The following SAMMSON variants were observed in gnomAD, a reference collection of about 807,000 sequenced individuals.
SAMMSON encodes the protein long intergenic non-protein coding RNA 1212.
At chr3:70,326,196 T>A (rs1009143358) in intron 7 of SAMMSON, among the ~76,000 whole-genome samples, 1 of 152,090 alleles carries the variant, frequency 6.6e-6, no homozygotes, top group Non-Finnish European at 1.5e-5. Context: ...TCTTTCTGTC[T>A]TCCTTATTTA....
intron 2 of SAMMSON, among the ~76,000 whole-genome samples, chr3:70,427,012 T>A (rs1701375457): frequency 6.6e-6 from 1 of 152,228 alleles, no homozygotes; most frequent in South Asian, 2.1e-4. Flanking sequence ...ACAATAAAGA[T>A]ATTGATAGTT....
intron 4 of SAMMSON, among the ~76,000 whole-genome samples, chr3:70,231,371 C>T (rs1186039807): frequency 6.6e-6 from 1 of 152,332 alleles, no homozygotes; most frequent in African/African-American, 2.4e-5. Context: ...AAGCTGTCAA[C>T]GCAAACTTGC....
At chr3:70,250,971 T>C (rs1269084043) in intron 6 of SAMMSON, among the ~76,000 whole-genome samples, 1 of 152,166 alleles carries the variant, frequency 6.6e-6, no homozygotes, top group Non-Finnish European at 1.5e-5. Context: ...AGTAATGACA[T>C]CCCAATGTGA....
At chr3:70,178,670 A>C (rs746741967) in intron 4 of SAMMSON, among the ~76,000 whole-genome samples, 8 of 152,190 alleles carry the variant, frequency 5.3e-5, no homozygotes, top group Non-Finnish European at 1.2e-4. Flanking sequence ...AAATGATTAG[A>C]TGTCTCACTA....
chr3:70,090,671 A>G lies in SAMMSON; in HGVS notation n.507+19106A>G, dbSNP rs1230840016. ...AGAACACCACATAATTGCAGAAAAG[A>G]TAATAGTCACATACCCTAGGGCCTA... On this transcript the variant is annotated intron_variant and non_coding_transcript_variant, in intron 4 of 9. Transcript: ENST00000642114. 2.0e-5 allele frequency among the ~76,000 whole-genome samples: 3 copies of G among 152,110 alleles called. No individual in the cohort carries two copies. In the East Asian group the frequency reaches 5.8e-4, roughly 29 times the overall value.
chr3:70,091,450 C>T (rs1018816667), intron 4 of SAMMSON, among the ~76,000 whole-genome samples: 2 of 152,186 alleles, frequency 1.3e-5, no homozygotes, highest in Non-Finnish European at 2.9e-5. Flanking sequence ...GCACATCTGA[C>T]TGCTGCAGCC....
At chr3:70,033,841 G>C (rs1411977034) in intron 3 of SAMMSON, among the ~76,000 whole-genome samples, 2 of 152,252 alleles carry the variant, frequency 1.3e-5, no homozygotes, top group East Asian at 1.9e-4. Context: ...TTGGGAGATT[G>C]GATGAATGAC....
intron 4 of SAMMSON, among the ~76,000 whole-genome samples, chr3:70,202,768 A>G (rs1257782919): frequency 6.6e-6 from 1 of 152,132 alleles, no homozygotes; most frequent in Non-Finnish European, 1.5e-5. Flanking sequence ...GAGCAAAGTG[A>G]TACCCTAATG....
At chr3:69,999,603 C>A (rs915675392), upstream of SAMMSON, 1 of 152,278 alleles carries the variant, frequency 6.6e-6, no homozygotes, top group Non-Finnish European at 1.5e-5. Context: ...TGGCTCGGCT[C>A]TACCCCCATG....
chr3:70,228,891 C>T lies in SAMMSON; in HGVS notation n.508-20216C>T, dbSNP rs540619424. Among the ~76,000 whole-genome samples the T allele has an allele frequency of 4.6e-5, 7 of 152,108 alleles. No homozygotes were observed. The South Asian group carries it at 1.2e-3, about 27-fold the overall frequency. The stretch of plus-strand genomic sequence containing the variant: ...CTATTATGTGGCAGACTATGTAGTA[C>T]GTGAGGAGAAACTCAGCTAAAAGGT... On this transcript the variant is annotated intron_variant and non_coding_transcript_variant, in intron 4 of 9. Transcript: ENST00000642114.
intron 7 of SAMMSON, among the ~76,000 whole-genome samples, chr3:70,329,597 T>G (rs1246574013): frequency 6.6e-6 from 1 of 152,054 alleles, no homozygotes; most frequent in African/African-American, 2.4e-5. Flanking sequence ...ATAGAAAATG[T>G]TCAAGTGATT....
chr3:70,384,624 C>G (rs558598076), intron 9 of SAMMSON, among the ~76,000 whole-genome samples: 8 of 152,042 alleles, frequency 5.3e-5, no homozygotes, highest in Non-Finnish European at 1.2e-4. Context: ...ACTTGTACCC[C>G]TGAATAGCAG....
At chr3:70,413,284 ACT>A (rs1701236498) in intron 2 of SAMMSON, among the ~76,000 whole-genome samples, 1 of 151,958 alleles carries the variant, frequency 6.6e-6, no homozygotes, top group African/African-American at 2.4e-5. Flanking sequence ...GTCAAGCTGA[ACT>A]CTCTATTGCC....
rs568356349 is a variant in SAMMSON at position 70,312,020 on chromosome 3, A to T, written n.739+20777A>T. 79 of 397,314 alleles carry T rather than the reference A, an allele frequency of 2.0e-4. No homozygotes were observed. The South Asian group carries it at 3.7e-3, about 19-fold the overall frequency. The allele number at this position is 397,314 out of a possible 1,614,324, so 24.6% of individuals were successfully genotyped here. The stretch of plus-strand genomic sequence containing the variant: ...GATATAAAAAATTCATTAAGAACCC[A>T]AATTTATAACATCGAGTTTTATATT... On this transcript the variant is annotated intron_variant and non_coding_transcript_variant, in intron 7 of 9. Transcript: ENST00000642114.
chr3:70,205,884 A>C (rs1205398486), intron 4 of SAMMSON: 1 of 152,068 alleles, frequency 6.6e-6, no homozygotes, highest in Admixed American at 6.6e-5. Context: ...TCTCCTGTAA[A>C]GGTCATTGCA....
At chr3:70,362,828 T>C (rs1702883878) in intron 9 of SAMMSON, among the ~76,000 whole-genome samples, 1 of 145,938 alleles carries the variant, frequency 6.9e-6, no homozygotes, top group African/African-American at 2.5e-5. Flanking sequence ...TTTTCTCCAG[T>C]GGCTGCTTCA....
intron 4 of SAMMSON, among the ~76,000 whole-genome samples, chr3:70,192,028 T>C (rs912984767): frequency 1.3e-5 from 2 of 152,132 alleles, no homozygotes; most frequent in Admixed American, 6.5e-5. Context: ...AAAAATTATG[T>C]AGAGAACACA....
At chr3:70,245,257 G>A (rs1000790880) in intron 4 of SAMMSON, among the ~76,000 whole-genome samples, 19 of 151,880 alleles carry the variant, frequency 1.3e-4, no homozygotes, top group Non-Finnish European at 4.4e-5. Flanking sequence ...ATGAGAATTA[G>A]AAAAAAACCA....
chr3:70,067,526 G>C (rs919858291), intron 3 of SAMMSON, among the ~76,000 whole-genome samples: 5 of 152,064 alleles, frequency 3.3e-5, no homozygotes. Context: ...AAGAAAGGAG[G>C]GTTGTCTGGA....
Sources: allele counts gnomAD v4.1 joint callset (sites outside exome capture counted in the v4.1 genomes callset), GRCh38; gene constraint gnomAD v4.1.1; transcripts MANE v1.5; gene names NCBI Gene and HGNC (gene_info 2026-07-23, HGNC 2026-07-21).